MYO7A: variants seen among roughly 807,000 people sequenced by gnomAD.
MYO7A encodes the protein unconventional myosin-VIIa.
A neutral mutation model predicts 263.8 loss-of-function variants in MYO7A; 210 were observed. The ratio of observed to expected loss-of-function variants is 0.80; its 90% confidence interval spans 0.71 to 0.89. The LOEUF (loss-of-function observed/expected upper bound fraction) is 0.89, where lower values mean the gene tolerates loss of function less well. Ranked by LOEUF, MYO7A falls within the 40% of genes least tolerant of loss-of-function variation. The pLI, the probability that MYO7A is intolerant of heterozygous loss-of-function variation, is 0.00. For missense variants in MYO7A, 2,820 were observed against 2,968.3 expected, an observed-to-expected ratio of 0.95 and a Z score of 1.16; for synonymous variants, 1,239 against 1,197.3, an observed-to-expected ratio of 1.03 and a Z score of -0.72.
chr11:77,177,423 G>A (rs1477799433), intron 18 of MYO7A, 126 bp from the exon 19 acceptor site: 2 of 738,376 alleles, frequency 2.7e-6, no homozygotes, highest in East Asian at 5.4e-5. Context: ...CCAGCTGGGA[G>A]CTCATGGGGC....
intron 21 of MYO7A, 101 bp from the exon 22 acceptor site, chr11:77,180,273 C>T (rs1202511329): frequency 1.1e-4 from 54 of 477,110 alleles, no homozygotes; most frequent in Non-Finnish European, 1.8e-4. Context: ...CAAAGTCATG[C>T]CCAGTTCCAG....
chr11:77,130,269 C>T (rs1950730624), intron 1 of MYO7A, among the ~76,000 whole-genome samples: 1 of 152,248 alleles, frequency 6.6e-6, no homozygotes, highest in South Asian at 2.1e-4. Flanking sequence ...TGACCCTGGG[C>T]AAGTCTTGGT....
intron 33 of MYO7A, 114 bp from the exon 34 acceptor site, chr11:77,198,381 C>T (rs1269584685): frequency 3.6e-6 from 5 of 1,374,290 alleles, no homozygotes; most frequent in South Asian, 2.9e-5. Context: ...CCTCAGTTTC[C>T]ATATCTATAA....
At position 77,157,476 on chromosome 11, in the gene MYO7A, TC is replaced by T. The variant is rs1260737447; in HGVS notation, c.849+85del. ...GGCTACTGCAGACTCAGCCTTGAGGTCTCACTGGTCACAGGGCTCAGGTGCC... is the reference window on the plus strand; with the variant it reads ...GGCTACTGCAGACTCAGCCTTGAGGTTCACTGGTCACAGGGCTCAGGTGCC... On this transcript the variant is annotated intron_variant, in intron 8 of 48. Coordinates refer to ENST00000409709, the MANE Select transcript of MYO7A (RefSeq NM_000260.4). 101 of 896,624 alleles carry T rather than the reference TC, an allele frequency of 1.1e-4. No homozygotes were observed. The African/African-American group carries it at 1.6e-3, about 14-fold the overall frequency. The allele number at this position is 896,624 out of a possible 1,614,324, so 55.5% of individuals were successfully genotyped here. A position where few individuals can be genotyped will look rare whatever the true frequency, so the allele number is the denominator to read the frequency against.
intron 2 of MYO7A, among the ~76,000 whole-genome samples, chr11:77,133,636 T>C (rs1285069376): frequency 6.6e-6 from 1 of 152,138 alleles, no homozygotes; most frequent in Non-Finnish European, 1.5e-5. Flanking sequence ...GTAAGCAGCA[T>C]ATAGTTAGAT....
At chr11:77,162,073 T>C in intron 12 of MYO7A, 47 bp from the exon 13 acceptor site, 1 of 1,524,802 alleles carries the variant, frequency 6.6e-7, no homozygotes, top group South Asian at 1.2e-5. Context: ...CTGAACAGCA[T>C]GGTGGGGCCT....
chr11:77,162,207 T>C lies in MYO7A; in HGVS notation c.1431T>C (p.Tyr477=). ...TGTTCAAGCTGGAGCAGGAGGAATA[T>C]GACCTGGAGAGCATTGACTGGCTGC... ...RHVFKLEQEE[Y]DLESIDWLHI... The change falls in exon 13 of 49, where the codon TAT becomes TAC. Residue 477 remains tyrosine (Y), a synonymous_variant. Transcript: ENST00000409709. The C allele has an allele frequency of 6.3e-7, 1 of 1,591,596 alleles. No individual in the cohort carries two copies. The highest frequency in any genetic ancestry group is 8.6e-7 in the Non-Finnish European group (1 of 1,168,538).
chr11:77,159,403 G>GTCC, intron 9 of MYO7A, 44 bp from the exon 10 acceptor site: 2 of 711,708 alleles, frequency 2.8e-6, no homozygotes, highest in Non-Finnish European at 5.0e-6. Context: ...TGCCCCTGTT[G>GTCC]CCCACCCTCC....
chr11:77,190,790 G>A lies in MYO7A; in HGVS notation c.3844G>A (p.Glu1282Lys). 1 of 1,595,936 alleles carries A rather than the reference G, an allele frequency of 6.3e-7. No homozygotes were observed. Residue 1282 changes from glutamate (E) to lysine (K), a missense_variant, in exon 30 of 49, where the codon GAG becomes AAG. By Grantham distance (56) the Glu-to-Lys change is moderately conservative (BLOSUM62 1). Transcript: ENST00000409709. Reference sequence around the variant, plus strand: ...GACGGACTCGGCAACCACGGCCAAGGAGCTCTGCAACGCGCTGGCCGACAA... The same window carrying A: ...GACGGACTCGGCAACCACGGCCAAGAAGCTCTGCAACGCGCTGGCCGACAA... ...LLTDSATTAK[E>K]LCNALADKIS...
chr11:77,184,813 G>GATTAA, intron 27 of MYO7A, 98 bp downstream of exon 27: 1 of 1,548,782 alleles, frequency 6.5e-7, no homozygotes, highest in Non-Finnish European at 8.7e-7. Flanking sequence ...AAGCAGGCCT[G>GATTAA]GGTTTGGCTT....
intron 44 of MYO7A, 131 bp downstream of exon 44, chr11:77,208,934 C>G (rs1226806589): frequency 2.8e-6 from 2 of 716,262 alleles, no homozygotes; most frequent in Non-Finnish European, 4.8e-6. Flanking sequence ...GGATTCCTGC[C>G]AAGACCACTG....
At chr11:77,176,832 C>G (rs982532151) in intron 18 of MYO7A, among the ~76,000 whole-genome samples, 2 of 152,134 alleles carry the variant, frequency 1.3e-5, no homozygotes, top group Non-Finnish European at 2.9e-5. Flanking sequence ...TTGTGGCAGC[C>G]CCTCCCCTCC....
At chr11:77,199,086 G>A (rs940994138) in intron 34 of MYO7A, among the ~76,000 whole-genome samples, 1 of 152,216 alleles carries the variant, frequency 6.6e-6, no homozygotes, top group Non-Finnish European at 1.5e-5. Context: ...TCCCAGCAGT[G>A]CAGTGGCTCC....
Position 77,213,968 on chromosome 11 carries a change from G to A in MYO7A, c.6547G>A (p.Glu2183Lys), listed in dbSNP as rs373761833. 21 of 1,614,064 alleles carry A rather than the reference G, an allele frequency of 1.3e-5. No homozygotes were observed. Among genetic ancestry groups the A allele is most frequent in the East Asian group, 6.7e-5 (3 of 44,884 alleles). ...GGTGCGCGGGAGCAAACTGCTCTGCGAGACGTCACTGGTGAGGGCGCATCC... is the reference window on the plus strand; with the variant it reads ...GGTGCGCGGGAGCAAACTGCTCTGCAAGACGTCACTGGTGAGGGCGCATCC... ...NLVRGSKLLC[E>K]TSLGYKMDDL... Residue 2183 changes from glutamate (E) to lysine (K), a missense_variant, in exon 48 of 49, where the codon GAG (glutamate) becomes AAG (lysine). Coordinates refer to ENST00000409709, the MANE Select transcript of MYO7A (RefSeq NM_000260.4).
At position 77,192,211 on chromosome 11, in the gene MYO7A, T is replaced by A. The variant is rs762352423; in HGVS notation, c.4085T>A (p.Val1362Glu). 2.7e-5 allele frequency: 44 copies of A among 1,613,930 alleles called. No homozygotes were observed. Among genetic ancestry groups the A allele is most frequent in the Non-Finnish European group, 3.4e-5 (40 of 1,179,922 alleles). ...TPWHSPSEDNVATNLIYQQVV... is the reference protein window; with the variant it reads ...TPWHSPSEDNEATNLIYQQVV... Reference sequence around the variant, plus strand: ...TGGCACAGCCCCTCCGAGGACAACGTGGCCACCAACCTCATCTACCAGCAG... The same window carrying A: ...TGGCACAGCCCCTCCGAGGACAACGAGGCCACCAACCTCATCTACCAGCAG... Residue 1362 changes from valine (V) to glutamate (E), a missense_variant, in exon 31 of 49, where the codon GTG becomes GAG. Physicochemically the swap from Val to Glu is moderately radical, Grantham distance 121 (BLOSUM62 -2). Transcript: ENST00000409709.
chr11:77,133,609 T>G (rs1950828566), intron 2 of MYO7A, among the ~76,000 whole-genome samples: 1 of 152,268 alleles, frequency 6.6e-6, no homozygotes, highest in African/African-American at 2.4e-5. Flanking sequence ...TGTCTTTGGA[T>G]CTAAAGTGGA....
At chr11:77,189,704 C>G (rs1955896209) in intron 28 of MYO7A, among the ~76,000 whole-genome samples, 1 of 152,250 alleles carries the variant, frequency 6.6e-6, no homozygotes. Context: ...AGGAGCGTGT[C>G]CCAGGCCCTC....
At position 77,198,564 on chromosome 11, in the gene MYO7A, A is replaced by G; in HGVS notation, c.4511A>G (p.Gln1504Arg). Reference sequence around the variant, plus strand: ...ACGGGTGTGTACTTTGTGGATGAGCAGGAGCAGGTACTTCTGGAGCTGTCC... The same window carrying G: ...ACGGGTGTGTACTTTGTGGATGAGCGGGAGCAGGTACTTCTGGAGCTGTCC... Reference protein sequence around the residue: ...NWTGVYFVDEQEQVLLELSFP... With the variant: ...NWTGVYFVDEREQVLLELSFP... The change falls in exon 34 of 49, where the codon CAG becomes CGG. Residue 1504 changes from glutamine (Q) to arginine (R), a missense_variant. Physicochemically the swap from Gln to Arg is conservative, Grantham distance 43 (BLOSUM62 1). Coordinates refer to ENST00000409709, the MANE Select transcript of MYO7A (RefSeq NM_000260.4). 6.2e-7 allele frequency: 1 copy of G among 1,613,956 alleles called. No individual in the cohort carries two copies. Among genetic ancestry groups the G allele is most frequent in the Admixed American group, 1.7e-5 (1 of 60,026 alleles).
At chr11:77,184,535 T>C in intron 26 of MYO7A, 53 bp from the exon 27 acceptor site, 1 of 1,489,896 alleles carries the variant, frequency 6.7e-7, no homozygotes, top group South Asian at 1.2e-5. Flanking sequence ...GTGCCCTGGC[T>C]GGCAGGGGAA....
Sources: gnomAD v4.1 joint callset for allele counts (sites outside exome capture counted in the v4.1 genomes callset) on GRCh38, gnomAD v4.1.1 for gene constraint, MANE v1.5 for transcripts, NCBI Gene and HGNC (gene_info 2026-07-23, HGNC 2026-07-21) for gene names.